XKR4: variants seen among roughly 807,000 people sequenced by gnomAD.
XKR4 encodes XK-related protein 4.
In XKR4, 12 loss-of-function variants were observed where a neutral mutation model predicts 53.9. That is an observed-to-expected ratio of 0.22 (90% confidence interval 0.14 to 0.36). The LOEUF (loss-of-function observed/expected upper bound fraction) is 0.36, where lower values mean the gene tolerates loss of function less well. Ranked by LOEUF, XKR4 falls within the 10% of genes least tolerant of loss-of-function variation. XKR4 has a pLI of 1.00. For synonymous variants in XKR4, 354 were observed against 362.4 expected, an observed-to-expected ratio of 0.98 and a Z score of 0.26; for missense variants, 799 against 859.5, an observed-to-expected ratio of 0.93 and a Z score of 0.88.
chr8:55,463,288 G>C (rs1805692893), intron 2 of XKR4, among the ~76,000 whole-genome samples: 1 of 152,164 alleles, frequency 6.6e-6, no homozygotes, highest in African/African-American at 2.4e-5. Flanking sequence ...TCAGACCATA[G>C]TGCAATCAAA....
At chr8:55,378,151 T>G (rs1444955014) in intron 2 of XKR4, among the ~76,000 whole-genome samples, 1 of 152,228 alleles carries the variant, frequency 6.6e-6, no homozygotes, top group African/African-American at 2.4e-5. Context: ...CAAGACTACA[T>G]TAACATGTGT....
chr8:55,255,511 CT>C (rs1214729458), intron 1 of XKR4, among the ~76,000 whole-genome samples: 2 of 152,088 alleles, frequency 1.3e-5, no homozygotes, highest in Non-Finnish European at 2.9e-5. Flanking sequence ...AAGACTGGGT[CT>C]TTTGTCTTTG....
intron 2 of XKR4, among the ~76,000 whole-genome samples, chr8:55,407,901 G>T (rs1804710976): frequency 6.6e-6 from 1 of 152,174 alleles, no homozygotes; most frequent in Non-Finnish European, 1.5e-5. Context: ...CATAAGCAAA[G>T]AAAGGCCTTA....
chr8:55,319,474 G>C (rs900926878), intron 1 of XKR4, among the ~76,000 whole-genome samples: 1 of 152,108 alleles, frequency 6.6e-6, no homozygotes. Flanking sequence ...AGTCATTTGC[G>C]ATGTTTCTAA....
intron 1 of XKR4, among the ~76,000 whole-genome samples, chr8:55,230,503 G>C (rs1372025664): frequency 6.6e-6 from 1 of 151,850 alleles, no homozygotes; most frequent in African/African-American, 2.4e-5. Context: ...CGAGTAGCTG[G>C]GACTATGGCA....
At chr8:55,406,956 T>C (rs150823663) in intron 2 of XKR4, among the ~76,000 whole-genome samples, 28 of 152,336 alleles carry the variant, frequency 1.8e-4, no homozygotes, top group Admixed American at 1.3e-3. Flanking sequence ...CAATACCTTA[T>C]AGGGGTTCTT....
chr8:55,130,784 A>C (rs1816542569), intron 1 of XKR4, among the ~76,000 whole-genome samples: 1 of 152,108 alleles, frequency 6.6e-6, no homozygotes, highest in Non-Finnish European at 1.5e-5. Context: ...TTCTTTGGTA[A>C]AGGAAGTAAA....
rs1466359256 is a variant in XKR4, at chr8:55,541,062, T to C, written c.*16835T>C. 2 of 152,220 alleles carry C rather than the reference T, an allele frequency of 1.3e-5. No homozygotes were observed. Among genetic ancestry groups the C allele is most frequent in the African/African-American group, 4.8e-5 (2 of 41,454 alleles). 9.4% of individuals were successfully genotyped at this position (152,220 alleles called of 1,614,324 possible). On this transcript the variant is annotated 3_prime_UTR_variant, in exon 3 of 3. Transcript: ENST00000327381. Reference sequence around the variant, plus strand: ...TGGCAAGGATTTTTGCTACCAATATTTGTTCTTAATTCTCCAGTTATTTTA... The same window carrying C: ...TGGCAAGGATTTTTGCTACCAATATCTGTTCTTAATTCTCCAGTTATTTTA...
Position 55,289,638 on chromosome 8 carries a change from A to G in XKR4, c.807-68040A>G, listed in dbSNP as rs184589636. Among the ~76,000 whole-genome samples, 361 of 121,986 alleles carry G rather than the reference A, an allele frequency of 3.0e-3. 10 individuals are homozygous for G. In the East Asian group the frequency reaches 0.039, roughly 13 times the overall value. 80.0% of individuals were successfully genotyped at this position (121,986 alleles called of 152,430 possible). On this transcript the variant is annotated intron_variant, in intron 1 of 2. Coordinates refer to ENST00000327381, the MANE Select transcript of XKR4 (RefSeq NM_052898.2). ...GAAAGAAAGAAAGAAAGAAAGAAAG[A>G]AAGAAAGAAAGGAAGGAAGGAAAAG...
chr8:55,462,700 A>G (rs1338817292), intron 2 of XKR4, among the ~76,000 whole-genome samples: 4 of 152,172 alleles, frequency 2.6e-5, no homozygotes, highest in Non-Finnish European at 5.9e-5. Context: ...AAGAGTCAAG[A>G]CCCATCGGTG....
chr8:55,103,604 A>C (rs1006062169), intron 1 of XKR4, among the ~76,000 whole-genome samples: 2 of 151,448 alleles, frequency 1.3e-5, no homozygotes, highest in Admixed American at 6.6e-5. Flanking sequence ...CCGCTTCCCC[A>C]TTTTTAGTGA....
At chr8:55,230,906 G>T (rs1818031352) in intron 1 of XKR4, among the ~76,000 whole-genome samples, 1 of 151,986 alleles carries the variant, frequency 6.6e-6, no homozygotes, top group East Asian at 1.9e-4. Context: ...AGCACTCACG[G>T]TCCTTTCATC....
chr8:55,298,803 A>C (rs1404823230), intron 1 of XKR4, among the ~76,000 whole-genome samples: 3 of 152,208 alleles, frequency 2.0e-5, no homozygotes, highest in Admixed American at 1.3e-4. Context: ...TATGTCATGC[A>C]AATATAAACA....
intron 1 of XKR4, among the ~76,000 whole-genome samples, chr8:55,340,610 C>A (rs535062804): frequency 4.6e-5 from 7 of 152,366 alleles, no homozygotes; most frequent in African/African-American, 1.4e-4. Context: ...AGCGCAGTCA[C>A]CTCCAGTGGG....
intron 1 of XKR4, among the ~76,000 whole-genome samples, chr8:55,304,673 T>G (rs1325852689): frequency 2.0e-5 from 3 of 152,148 alleles, no homozygotes; most frequent in Non-Finnish European, 4.4e-5. Context: ...TTATGAATCT[T>G]GGTGCTTCTG....
chr8:55,394,992 T>C (rs2076154830), intron 2 of XKR4, among the ~76,000 whole-genome samples: 1 of 152,210 alleles, frequency 6.6e-6, no homozygotes, highest in African/African-American at 2.4e-5. Flanking sequence ...TTGAGGGAGC[T>C]AATTGTGTAA....
chr8:55,270,423 G>T (rs1219762247), intron 1 of XKR4, among the ~76,000 whole-genome samples: 1 of 152,162 alleles, frequency 6.6e-6, no homozygotes, highest in East Asian at 1.9e-4. Context: ...TCCCAGGAAG[G>T]GTTAGGAGTT....
intron 1 of XKR4, among the ~76,000 whole-genome samples, chr8:55,264,182 A>T (rs1409188399): frequency 6.6e-6 from 1 of 152,128 alleles, no homozygotes; most frequent in Non-Finnish European, 1.5e-5. Context: ...CTTCCCCTGC[A>T]TGTCATCCCA....
chr8:55,319,341 A>G (rs1803171695), intron 1 of XKR4, among the ~76,000 whole-genome samples: 1 of 152,242 alleles, frequency 6.6e-6, no homozygotes, highest in Non-Finnish European at 1.5e-5. Flanking sequence ...ACAGAAATGC[A>G]AAAGCATTAT....
Sources: allele counts gnomAD v4.1 joint callset (sites outside exome capture counted in the v4.1 genomes callset), GRCh38; gene constraint gnomAD v4.1.1; transcripts MANE v1.5; gene names NCBI Gene and HGNC (gene_info 2026-07-23, HGNC 2026-07-21).